PPP2R3A: variants seen among roughly 807,000 people sequenced by gnomAD.
PPP2R3A encodes protein phosphatase 2 regulatory subunit B''alpha, also known as serine/threonine-protein phosphatase 2A regulatory subunit B'' subunit alpha.
Under a neutral mutation model 106.9 loss-of-function variants are expected in PPP2R3A, and 80 were observed. The ratio of observed to expected loss-of-function variants is 0.75; its 90% CI spans 0.62 to 0.90. The LOEUF (loss-of-function observed/expected upper bound fraction) is 0.90, where lower values mean the gene tolerates loss of function less well. PPP2R3A is among the 40% of genes least tolerant of loss of function. The pLI is 0.00. For missense variants in PPP2R3A, 1,386 were observed against 1,350.4 expected (o/e 1.03, Z -0.41); for synonymous variants, 483 against 468.3 (o/e 1.03, Z -0.41).
intron 6 of PPP2R3A, among the ~76,000 whole-genome samples, chr3:136,075,680 AAC>A (rs1379773094): frequency 3.9e-5 from 6 of 152,234 alleles, no homozygotes; most frequent in African/African-American, 1.4e-4. Flanking sequence ...TATAATTTTT[AAC>A]ACAGTAATTT....
At chr3:136,065,455 T>C (rs1485797322) in intron 5 of PPP2R3A, among the ~76,000 whole-genome samples, 2 of 152,266 alleles carry the variant, frequency 1.3e-5, no homozygotes, top group Non-Finnish European at 2.9e-5. Context: ...TATATATAAA[T>C]TTTTTACGTT....
chr3:136,145,404 C>A lies in PPP2R3A; in HGVS notation c.*238C>A. Reference sequence around the variant, plus strand: ...CCTCAGAAGTGGTACCATCGCCTTCCAAAGTCAGCACTCTACACTCTTGAA... The same window carrying A: ...CCTCAGAAGTGGTACCATCGCCTTCAAAAGTCAGCACTCTACACTCTTGAA... On this transcript the variant is annotated 3_prime_UTR_variant, in exon 14 of 14. Transcript: ENST00000264977. The A allele has an allele frequency of 8.5e-6, 3 of 353,022 alleles. No individual in the cohort carries two copies. The highest frequency in any genetic ancestry group is 1.6e-5 in the Non-Finnish European group (3 of 192,000). The allele number at this position is 353,022 out of a possible 1,614,324, so 21.9% of individuals were successfully genotyped here.
rs1358795056 is a variant in PPP2R3A at position 136,001,667 on chromosome 3, C to G, written c.169C>G (p.His57Asp). ...CCATAGTGTTTGTGCAGACCTCTTG[C>G]ACATCCCTGTGTCTCAGTTCAAAGA... ...VHHSVCADLLHIPVSQFKDAD... is the reference protein window; with the variant it reads ...VHHSVCADLLDIPVSQFKDAD... Residue 57 changes from histidine to aspartate, a missense_variant, in exon 2 of 14, where the codon CAC becomes GAC. Coordinates refer to ENST00000264977, the MANE Select transcript of PPP2R3A (RefSeq NM_002718.5). The G allele has an allele frequency of 2.5e-6, 4 of 1,614,032 alleles. No homozygotes were observed. The highest frequency in any genetic ancestry group is 3.4e-6 in the Non-Finnish European group (4 of 1,180,030).
At chr3:136,041,103 C>T in intron 4 of PPP2R3A, 141 bp downstream of exon 4, 1 of 617,862 alleles carries the variant, frequency 1.6e-6, no homozygotes, top group East Asian at 3.2e-5. Flanking sequence ...CAATGATTTA[C>T]AACCATTTAT....
intron 13 of PPP2R3A, among the ~76,000 whole-genome samples, chr3:136,135,804 A>T (rs1327339563): frequency 6.6e-6 from 1 of 151,986 alleles, no homozygotes; most frequent in Non-Finnish European, 1.5e-5. Flanking sequence ...TAATCTCAAC[A>T]CTTTGGGAGG....
At chr3:136,137,014 G>C (rs985100623) in intron 13 of PPP2R3A, among the ~76,000 whole-genome samples, 1 of 152,106 alleles carries the variant, frequency 6.6e-6, no homozygotes, top group African/African-American at 2.4e-5. Flanking sequence ...CTCAACCCTC[G>C]TAAGAGAAGC....
chr3:136,142,150 A>C (rs1938898836), intron 13 of PPP2R3A, among the ~76,000 whole-genome samples: 1 of 152,204 alleles, frequency 6.6e-6, no homozygotes, highest in Non-Finnish European at 1.5e-5. Context: ...TTACCAGGGA[A>C]GTACAAAACG....
intron 2 of PPP2R3A, 35 bp from the exon 3 acceptor site, chr3:136,026,797 A>T (rs1265157481): frequency 1.3e-6 from 2 of 1,545,862 alleles, no homozygotes; most frequent in African/African-American, 2.8e-5. Flanking sequence ...TACTGTTTAA[A>T]TTTTTTGTGT....
At chr3:136,111,280 T>G (rs1937587323) in intron 13 of PPP2R3A, among the ~76,000 whole-genome samples, 1 of 152,130 alleles carries the variant, frequency 6.6e-6, no homozygotes, top group African/African-American at 2.4e-5. Flanking sequence ...AGTAGAGAAA[T>G]ATAGACATTG....
At chr3:136,062,328 G>A (rs1252659753) in intron 5 of PPP2R3A, among the ~76,000 whole-genome samples, 1 of 152,184 alleles carries the variant, frequency 6.6e-6, no homozygotes, top group African/African-American at 2.4e-5. Flanking sequence ...CTGAAGAGCA[G>A]CCAGTTCAGA....
intron 10 of PPP2R3A, among the ~76,000 whole-genome samples, chr3:136,096,083 A>G (rs1163877949): frequency 6.6e-6 from 1 of 152,196 alleles, no homozygotes; most frequent in African/African-American, 2.4e-5. Flanking sequence ...TGAGTATCTC[A>G]TATAATTTAT....
chr3:136,023,877 A>C (rs938875119), intron 2 of PPP2R3A, among the ~76,000 whole-genome samples: 1 of 152,156 alleles, frequency 6.6e-6, no homozygotes, highest in African/African-American at 2.4e-5. Context: ...GTGTTTCACC[A>C]AACAAGTGCC....
intron 7 of PPP2R3A, among the ~76,000 whole-genome samples, chr3:136,078,658 A>G (rs1936675913): frequency 6.6e-6 from 1 of 152,226 alleles, no homozygotes; most frequent in Admixed American, 6.5e-5. Context: ...TCTCTGCCTG[A>G]AGGCATGCAC....
chr3:136,126,018 G>A lies in PPP2R3A; in HGVS notation c.3330-19025G>A, dbSNP rs111359748. ...TATGGTTAAAAGAAAAAAAAGGAGG[G>A]GCGTTCCAAGATGGCCGAATAGGAA... On this transcript the variant is annotated intron_variant, in intron 13 of 13. Transcript: ENST00000264977. Among the ~76,000 whole-genome samples, 1,169 of 152,248 alleles carry A rather than the reference G, an allele frequency of 7.7e-3. 24 individuals are homozygous for A. Among genetic ancestry groups the A allele is most frequent in the African/African-American group, 0.026 (1,061 of 41,544 alleles).
chr3:136,025,783 TC>T (rs1266326906), intron 2 of PPP2R3A, among the ~76,000 whole-genome samples: 3 of 152,150 alleles, frequency 2.0e-5, no homozygotes, highest in African/African-American at 7.2e-5. Context: ...ACAGTTGTGT[TC>T]ATCTTTCATA....
intron 5 of PPP2R3A, among the ~76,000 whole-genome samples, chr3:136,066,287 GA>G (rs1309902644): frequency 6.6e-6 from 1 of 152,136 alleles, no homozygotes; most frequent in Non-Finnish European, 1.5e-5. Flanking sequence ...CTCCTTTTAT[GA>G]AGCAAGTATA....
intron 1 of PPP2R3A, among the ~76,000 whole-genome samples, chr3:135,987,350 G>A (rs1407553530): frequency 1.3e-5 from 2 of 152,106 alleles, no homozygotes; most frequent in African/African-American, 4.8e-5. Flanking sequence ...AATATGAAGA[G>A]GCCAGATGAC....
At chr3:136,027,312 A>AT (rs1934703438) in intron 3 of PPP2R3A, among the ~76,000 whole-genome samples, 1 of 152,112 alleles carries the variant, frequency 6.6e-6, no homozygotes, top group Admixed American at 6.5e-5. Flanking sequence ...CAACTCATAA[A>AT]TTCATTCTCT....
At chr3:135,972,512 A>G (rs1393278519) in intron 1 of PPP2R3A, among the ~76,000 whole-genome samples, 1 of 152,194 alleles carries the variant, frequency 6.6e-6, no homozygotes, top group African/African-American at 2.4e-5. Flanking sequence ...AAATAATTCT[A>G]TGTTTAAAAA....
Sources: allele counts gnomAD v4.1 joint callset (sites outside exome capture counted in the v4.1 genomes callset), GRCh38; gene constraint gnomAD v4.1.1; transcripts MANE v1.5; gene names NCBI Gene and HGNC (gene_info 2026-07-23, HGNC 2026-07-21).